DAPK2: variants seen among roughly 807,000 people sequenced by gnomAD.
The protein encoded by DAPK2 is death associated protein kinase 2.
Under a neutral mutation model 44.1 loss-of-function variants are expected in DAPK2, and 35 were observed. That is an observed-to-expected ratio of 0.79 (90% CI 0.61 to 1.05). The LOEUF (loss-of-function observed/expected upper bound fraction) is 1.05, where lower values mean the gene tolerates loss of function less well. Among genes scored for constraint, DAPK2 ranks in the 50% least tolerant of loss-of-function variants. The probability of loss-of-function intolerance (pLI) is 0.00; values close to 1 mark genes in which losing one functional copy is unlikely to be tolerated. For synonymous variants in DAPK2, 174 were observed against 182.6 expected, an observed-to-expected ratio of 0.95 and a Z score of 0.38; for missense variants, 453 against 483.2, an observed-to-expected ratio of 0.94 and a Z score of 0.59.
intron 3 of DAPK2, among the ~76,000 whole-genome samples, chr15:63,961,128 T>C (rs931418807): frequency 1.3e-5 from 2 of 152,180 alleles, no homozygotes; most frequent in African/African-American, 4.8e-5. Flanking sequence ...TTTTGATCTT[T>C]GTTGGTTTAA....
chr15:63,960,570 A>C (rs374831153), intron 3 of DAPK2, among the ~76,000 whole-genome samples: 1 of 152,118 alleles, frequency 6.6e-6, no homozygotes, highest in Non-Finnish European at 1.5e-5. Context: ...TCATTGGTTT[A>C]AAAGAACATC....
chr15:63,991,599 C>T (rs1240533160), intron 1 of DAPK2, among the ~76,000 whole-genome samples: 2 of 151,768 alleles, frequency 1.3e-5, no homozygotes, highest in East Asian at 1.9e-4. Flanking sequence ...ACCCACTGAC[C>T]GCCCCCACCC....
At chr15:63,987,832 C>T (rs1349285436) in intron 1 of DAPK2, among the ~76,000 whole-genome samples, 1 of 152,182 alleles carries the variant, frequency 6.6e-6, no homozygotes, top group Non-Finnish European at 1.5e-5. Context: ...AGCCAGGACC[C>T]TGGGCAGCCT....
intron 2 of DAPK2, among the ~76,000 whole-genome samples, chr15:63,982,568 G>A (rs2078552047): frequency 6.6e-6 from 1 of 152,110 alleles, no homozygotes. Context: ...AAACTCTATT[G>A]TTTATCAGAG....
At chr15:63,927,145 C>T (rs2079311884) in intron 6 of DAPK2, among the ~76,000 whole-genome samples, 1 of 152,128 alleles carries the variant, frequency 6.6e-6, no homozygotes, top group African/African-American at 2.4e-5. Context: ...TACATGCATA[C>T]AAAAGCCTTC....
At position 63,908,272 on chromosome 15, in the gene DAPK2, A is replaced by G. The variant is rs1353604307; in HGVS notation, c.*248T>C. On this transcript the variant is annotated 3_prime_UTR_variant, in exon 11 of 11. Transcript: ENST00000261891. The surrounding 1 kb of genome is among the most constrained non-coding windows in gnomAD (Gnocchi z 5.7). Reference sequence around the variant, plus strand: ...CCACCCCAGACTCTGAGGATGGCAGACAGAGGAAAGCCCATTTTATGGAGA... The same window carrying G: ...CCACCCCAGACTCTGAGGATGGCAGGCAGAGGAAAGCCCATTTTATGGAGA... 2 of 357,610 alleles carry G rather than the reference A, an allele frequency of 5.6e-6. No individual in the cohort carries two copies. The highest frequency in any genetic ancestry group is 4.2e-5 in the African/African-American group (2 of 47,364). 22.2% of individuals were successfully genotyped at this position (357,610 alleles called of 1,614,324 possible). A position where few individuals can be genotyped will look rare whatever the true frequency, so the allele number is the denominator to read the frequency against.
chr15:63,922,920 C>T (rs2079120893), intron 8 of DAPK2: 18 of 1,535,812 alleles, frequency 1.2e-5, no homozygotes, highest in Non-Finnish European at 1.5e-5. Context: ...CTCAGAATCT[C>T]AAACTGGGCT....
intron 1 of DAPK2, among the ~76,000 whole-genome samples, chr15:64,003,030 T>C (rs57320306): frequency 0.05 from 5,117 of 101,526 alleles, 374 homozygotes; most frequent in African/African-American, 0.17. Context: ...GGACCAGAGG[T>C]GGTGGGGTAG....
intron 4 of DAPK2, among the ~76,000 whole-genome samples, chr15:63,937,409 A>G (rs575047551): frequency 6.6e-6 from 1 of 152,208 alleles, no homozygotes; most frequent in African/African-American, 2.4e-5. Flanking sequence ...TCTCCATTGT[A>G]TAGCCTCATC....
At chr15:63,950,030 A>G (rs2077546778) in intron 3 of DAPK2, among the ~76,000 whole-genome samples, 1 of 152,188 alleles carries the variant, frequency 6.6e-6, no homozygotes, top group African/African-American at 2.4e-5. Context: ...CTGAACCTTT[A>G]CAGTCTCATC....
At chr15:63,936,171 C>G (rs1236381403) in intron 4 of DAPK2, among the ~76,000 whole-genome samples, 3 of 152,182 alleles carry the variant, frequency 2.0e-5, no homozygotes, top group Non-Finnish European at 2.9e-5. Flanking sequence ...TAGTCTCTAA[C>G]TGAAGTGGCG....
intron 1 of DAPK2, among the ~76,000 whole-genome samples, chr15:64,036,323 A>G (rs1244189162): frequency 7.8e-5 from 9 of 115,426 alleles, no homozygotes; most frequent in African/African-American, 2.7e-4. Context: ...ATATATGTAT[A>G]TATATATATA....
chr15:63,911,300 C>T (rs1294210764), intron 10 of DAPK2: 2 of 151,078 alleles, frequency 1.3e-5, no homozygotes, highest in Non-Finnish European at 2.9e-5. Context: ...CTATTATTAA[C>T]CCTATTTTAC....
At chr15:63,985,266 C>T (rs959182182) in intron 1 of DAPK2, among the ~76,000 whole-genome samples, 1 of 152,208 alleles carries the variant, frequency 6.6e-6, no homozygotes, top group African/African-American at 2.4e-5. Context: ...TATTTCAGTT[C>T]CAAATATTGG....
At chr15:64,033,637 A>G (rs2080092340) in intron 1 of DAPK2, among the ~76,000 whole-genome samples, 1 of 152,006 alleles carries the variant, frequency 6.6e-6, no homozygotes, top group East Asian at 1.9e-4. Context: ...CGCTGGGCAC[A>G]GTGGCTCACG....
intron 7 of DAPK2, among the ~76,000 whole-genome samples, 160 bp from the exon 9 acceptor site, chr15:63,925,021 A>C (rs933270247): frequency 2.0e-5 from 3 of 152,232 alleles, no homozygotes; most frequent in Admixed American, 1.3e-4. Flanking sequence ...AGCTGGCTGC[A>C]AATCCTGCAC....
chr15:63,995,289 A>G (rs1199422272), intron 1 of DAPK2, among the ~76,000 whole-genome samples: 1 of 152,140 alleles, frequency 6.6e-6, no homozygotes, highest in African/African-American at 2.4e-5. Flanking sequence ...GGCTAGGACT[A>G]TAGGCGCCCA....
At chr15:63,922,273 T>C in intron 8 of DAPK2, 1 of 990,214 alleles carries the variant, frequency 1.0e-6, no homozygotes, top group African/African-American at 1.7e-5. Context: ...TATTATTTTC[T>C]CTATGCATTG....
chr15:63,983,847 T>C (rs2078598976), intron 1 of DAPK2, 93 bp from the exon 3 acceptor site: 1 of 1,265,546 alleles, frequency 7.9e-7, no homozygotes, highest in African/African-American at 1.5e-5. Flanking sequence ...AAATTCAGAG[T>C]GATTCTGCCA....
Sources: gnomAD v4.1 joint callset for allele counts (sites outside exome capture counted in the v4.1 genomes callset) on GRCh38, gnomAD v4.1.1 for gene constraint, Gnocchi (gnomAD v3.1) non-coding constraint, MANE v1.5 for transcripts, NCBI Gene and HGNC (gene_info 2026-07-23, HGNC 2026-07-21) for gene names.